PTPN22: variants seen among roughly 807,000 people sequenced by gnomAD.
The protein encoded by PTPN22 is protein tyrosine phosphatase non-receptor type 22.
Under a neutral mutation model 103.3 loss-of-function variants are expected in PTPN22, and 85 were observed. That is an observed-to-expected ratio of 0.82 (90% CI 0.69 to 0.99). The LOEUF (loss-of-function observed/expected upper bound fraction) is 0.99, where lower values mean the gene tolerates loss of function less well. Among genes scored for constraint, PTPN22 ranks in the 50% least tolerant of loss-of-function variants. The pLI is 0.00. For missense variants in PTPN22, 865 were observed against 936.9 expected (o/e 0.92, Z 1.00); for synonymous variants, 323 against 310.2 (o/e 1.04, Z -0.43).
At chr1:113,865,435 A>G (rs1666041976) in intron 1 of PTPN22, among the ~76,000 whole-genome samples, 1 of 152,086 alleles carries the variant, frequency 6.6e-6, no homozygotes, top group South Asian at 2.1e-4. Flanking sequence ...AATGAACATA[A>G]TATTTTCCTC....
At chr1:113,855,503 CAAAAAAAAAA>C (rs58516952) in intron 7 of PTPN22, among the ~76,000 whole-genome samples, 1 of 84,444 alleles carries the variant, frequency 1.2e-5, no homozygotes, top group Non-Finnish European at 2.2e-5. Flanking sequence ...GACTCTGTCT[CAAAAAAAAAA>C]AAAAAAAAAA....
At chr1:113,839,772 T>C (rs1247431881) in intron 11 of PTPN22, among the ~76,000 whole-genome samples, 1 of 152,130 alleles carries the variant, frequency 6.6e-6, no homozygotes, top group African/African-American at 2.4e-5. Context: ...TATTCATACA[T>C]GAAAGACTTA....
At chr1:113,816,441 G>A (rs1437704178) in intron 20 of PTPN22, among the ~76,000 whole-genome samples, 1 of 144,676 alleles carries the variant, frequency 6.9e-6, no homozygotes, top group Non-Finnish European at 1.5e-5. Context: ...AAAAAGAATT[G>A]AAAAAAAAAA....
chr1:113,820,784 G>C (rs968452264), intron 19 of PTPN22, among the ~76,000 whole-genome samples: 1 of 152,072 alleles, frequency 6.6e-6, no homozygotes, highest in Non-Finnish European at 1.5e-5. Flanking sequence ...TTTTCAGAAT[G>C]CACTGTGTGA....
chr1:113,837,603 C>T, exon 13 of PTPN22: 1 of 1,574,676 alleles, frequency 6.4e-7, no homozygotes, highest in South Asian at 1.1e-5. Context: ...GTACAGCTGA[C>T]TCCTGGTTCA....
At chr1:113,824,966 C>CAAAA (rs35424386) in intron 19 of PTPN22, among the ~76,000 whole-genome samples, 176 bp downstream of exon 19, 71 of 64,880 alleles carry the variant, frequency 1.1e-3, no homozygotes, top group East Asian at 1.2e-3. Context: ...TGAAGCCTAG[C>CAAAA]AAAAAAAAAA....
chr1:113,820,416 G>A (rs1423102816), intron 19 of PTPN22, among the ~76,000 whole-genome samples: 1 of 152,046 alleles, frequency 6.6e-6, no homozygotes, highest in Non-Finnish European at 1.5e-5. Context: ...CCCAGATTGC[G>A]CCACTGCACT....
At chr1:113,838,345 G>T (rs764668046) in exon 13 of PTPN22, 1 of 1,603,092 alleles carries the variant, frequency 6.2e-7, no homozygotes, top group East Asian at 2.2e-5. Context: ...GTCAAAGGAA[G>T]AAGATTCTTT....
At chr1:113,822,484 C>T (rs1390684538) in intron 19 of PTPN22, among the ~76,000 whole-genome samples, 2 of 152,178 alleles carry the variant, frequency 1.3e-5, no homozygotes, top group African/African-American at 2.4e-5. Flanking sequence ...CCAGCTTCGC[C>T]TTACTCCTGT....
chr1:113,858,939 A>G, intron 3 of PTPN22, 63 bp downstream of exon 3: 1 of 1,568,138 alleles, frequency 6.4e-7, no homozygotes, highest in South Asian at 1.2e-5. Flanking sequence ...GAGTCCAGCC[A>G]GCCCTCCCCT....
chr1:113,831,082 A>T (rs1390560078), intron 16 of PTPN22, among the ~76,000 whole-genome samples: 3 of 152,184 alleles, frequency 2.0e-5, no homozygotes, highest in Admixed American at 6.5e-5. Flanking sequence ...GCTGTTAGGG[A>T]ATATTCTGAA....
At chr1:113,823,346 G>A (rs1661779175) in intron 19 of PTPN22, 1 of 152,214 alleles carries the variant, frequency 6.6e-6, no homozygotes, top group South Asian at 2.1e-4. Context: ...ACAGACCAGT[G>A]GGAGATCCAG....
chr1:113,838,101 T>C lies in PTPN22; in HGVS notation c.1299A>G (p.Ala433=), dbSNP rs375345942. The C allele has an allele frequency of 1.5e-5, 24 of 1,614,066 alleles. No homozygotes were observed. The African/African-American group carries it at 2.8e-4, about 19-fold the overall frequency. The change falls in exon 13 of 21, where the codon GCA becomes GCG. Residue 433 remains alanine, a synonymous_variant. Transcript: ENST00000359785. ...CCTTTGAATTAAAATATCTTCCTGC[T>C]GCATTTACAGGTTTAGAATTAGAAC... is the stretch of plus-strand genomic sequence containing the variant.
intron 19 of PTPN22, among the ~76,000 whole-genome samples, chr1:113,823,993 A>AT (rs1462572895): frequency 2.6e-5 from 4 of 152,056 alleles, no homozygotes; most frequent in African/African-American, 4.8e-5. Flanking sequence ...CCTACATCAG[A>AT]TTTTCTCAGT....
At chr1:113,870,188 A>T (rs1369855403) in intron 1 of PTPN22, among the ~76,000 whole-genome samples, 1 of 152,210 alleles carries the variant, frequency 6.6e-6, no homozygotes, top group East Asian at 1.9e-4. Context: ...ATTGATATTT[A>T]ATCATCACAA....
intron 9 of PTPN22, among the ~76,000 whole-genome samples, chr1:113,853,209 A>G (rs1372021117): frequency 6.6e-6 from 1 of 152,028 alleles, no homozygotes; most frequent in Non-Finnish European, 1.5e-5. Context: ...AAGTGCTGAG[A>G]TTACAGGCAT....
intron 20 of PTPN22, among the ~76,000 whole-genome samples, chr1:113,817,779 A>C (rs1454657313): frequency 2.6e-5 from 4 of 151,866 alleles, no homozygotes; most frequent in African/African-American, 9.7e-5. Flanking sequence ...GGCATATTTG[A>C]GAGGAAGCAA....
intron 1 of PTPN22, among the ~76,000 whole-genome samples, chr1:113,870,763 T>C (rs1334691447): frequency 6.6e-6 from 1 of 152,216 alleles, no homozygotes; most frequent in Non-Finnish European, 1.5e-5. Context: ...TTCATGCCTG[T>C]AATCCCAGCA....
At chr1:113,859,058 G>C in exon 3 of PTPN22, 1 of 1,613,984 alleles carries the variant, frequency 6.2e-7, no homozygotes, top group Non-Finnish European at 8.5e-7. Flanking sequence ...ATCAGGGATA[G>C]TTCTACCCGG....
Sources: gnomAD v4.1 joint callset for allele counts (sites outside exome capture counted in the v4.1 genomes callset) on GRCh38, gnomAD v4.1.1 for gene constraint, MANE v1.5 for transcripts, NCBI Gene and HGNC (gene_info 2026-07-23, HGNC 2026-07-21) for gene names.